FURIN: variants seen among roughly 807,000 people sequenced by gnomAD.
FURIN encodes the protein furin, paired basic amino acid cleaving enzyme.
In FURIN, 18 loss-of-function variants were observed where a neutral mutation model predicts 89.2. The observed-to-expected ratio is 0.20, with a 90% CI of 0.14 to 0.30. The LOEUF (loss-of-function observed/expected upper bound fraction) is 0.30, where lower values mean the gene tolerates loss of function less well. Ranked by LOEUF, FURIN falls within the 10% of genes least tolerant of loss-of-function variation. The pLI is 1.00. For synonymous variants in FURIN, 508 were observed against 466.4 expected (o/e 1.09, Z -1.15); for missense variants, 879 against 1,100.5 (o/e 0.80, Z 2.85).
In FURIN at chr15:90,883,058, T is replaced by TCCA. The variant is rs2032101826; in HGVS notation, c.*1181_*1183dup. ...CCGGGGGTTCATAGGTCACTGGCTC[T>TCCA]CCAAGTGCCAGAGGTGGGCAGGTGG... is the stretch of plus-strand genomic sequence containing the variant. On this transcript the variant is annotated 3_prime_UTR_variant, in exon 16 of 16. Coordinates refer to ENST00000268171, the MANE Select transcript of FURIN (RefSeq NM_002569.4). 6.6e-6 allele frequency: 1 copy of TCCA among 152,636 alleles called. No individual in the cohort carries two copies. Among genetic ancestry groups the TCCA allele is most frequent in the Non-Finnish European group, 1.5e-5 (1 of 68,098 alleles). 9.5% of individuals were successfully genotyped at this position (152,636 alleles called of 1,614,324 possible). A position where few individuals can be genotyped will look rare whatever the true frequency, so the allele number is the denominator to read the frequency against.
chr15:90,878,034 A>G (rs746026683), intron 7 of FURIN, 98 bp from the exon 8 acceptor site: 35 of 1,165,554 alleles, frequency 3.0e-5, no homozygotes, highest in Non-Finnish European at 4.3e-5. Flanking sequence ...TCCCTTACTC[A>G]TCCCCTGGGG....
chr15:90,881,638 G>A lies in FURIN; in HGVS notation c.2145G>A (p.Glu715=), dbSNP rs1254802405. The A allele has an allele frequency of 6.3e-7, 1 of 1,589,250 alleles. No homozygotes were observed. Among genetic ancestry groups the A allele is most frequent in the East Asian group, 2.2e-5 (1 of 44,474 alleles). Residue 715 remains glutamate, a synonymous_variant, in exon 16 of 16, where the codon GAG becomes GAA. Transcript: ENST00000268171. The surrounding 1 kb of genome is among the most constrained non-coding windows in gnomAD (Gnocchi z 4.3). ...RAGLLPSHLP[E]VVAGLSCAFI... The stretch of plus-strand genomic sequence containing the variant: ...GGCTGCTGCCCTCACACCTGCCTGA[G>A]GTGGTGGCCGGCCTCAGCTGCGCCT...
rs1225866641 is a variant in FURIN, at chr15:90,876,870, A to G, written c.373-26A>G. 2.5e-6 allele frequency: 4 copies of G among 1,612,716 alleles called. No homozygotes were observed. The South Asian group carries it at 4.4e-5, about 18-fold the overall frequency. ...CCTCACAAAACCAATCATGTCTCAT[A>G]AGTGATGGGGTGGGTGTCTCCACAG... On this transcript the variant is annotated intron_variant, in intron 4 of 15. Transcript: ENST00000268171. This position sits in a 1 kb window ranked among gnomAD's most constrained non-coding sequence, Gnocchi z 5.0.
chr15:90,869,705 G>C (rs368893589), intron 1 of FURIN, among the ~76,000 whole-genome samples: 1 of 152,226 alleles, frequency 6.6e-6, no homozygotes, highest in East Asian at 1.9e-4. Flanking sequence ...CTGAGCCTAG[G>C]CTAGCCCCTC....
rs776938351 is a variant in FURIN, at chr15:90,878,937, C to T, written c.1014C>T (p.Ala338=). 3.1e-6 allele frequency: 5 copies of T among 1,611,006 alleles called. No individual in the cohort carries two copies. Among genetic ancestry groups the T allele is most frequent in the South Asian group, 1.1e-5 (1 of 90,842 alleles). ...GCGAGGCCTGCTCGTCCACACTGGC[C>T]ACGACCTACAGCAGTGGCAACCAGA... ...WYSEACSSTL[A]TTYSSGNQNE... The change falls in exon 9 of 16, where the codon GCC becomes GCT. Residue 338 remains alanine (A), a synonymous_variant. Coordinates refer to ENST00000268171, the MANE Select transcript of FURIN (RefSeq NM_002569.4).
In FURIN at chr15:90,875,646, C is replaced by T. The variant is rs991124685; in HGVS notation, c.-95C>T. ...GCCCCATGCCCCCACCAGTCAGCCC[C>T]GGGCCACAGGCAGTGAGCAGGCACC... On this transcript the variant is annotated 5_prime_UTR_variant, in exon 2 of 16. Coordinates refer to ENST00000268171, the MANE Select transcript of FURIN (RefSeq NM_002569.4). 79 of 1,174,944 alleles carry T rather than the reference C, an allele frequency of 6.7e-5. No homozygotes were observed. In the Admixed American group the frequency reaches 1.0e-3, roughly 15 times the overall value. 72.8% of individuals were successfully genotyped at this position (1,174,944 alleles called of 1,614,324 possible). A position where few individuals can be genotyped will look rare whatever the true frequency, so the allele number is the denominator to read the frequency against.
At chr15:90,870,652 C>T (rs550870364) in intron 1 of FURIN, among the ~76,000 whole-genome samples, 3 of 152,184 alleles carry the variant, frequency 2.0e-5, no homozygotes, top group African/African-American at 7.2e-5. Context: ...GCTCAAGCAG[C>T]GTCGGCCTCA....
In FURIN at chr15:90,880,064, G is replaced by C. The variant is rs1050791187; in HGVS notation, c.1377-30G>C. 3 of 1,604,628 alleles carry C rather than the reference G, an allele frequency of 1.9e-6. No homozygotes were observed. In the African/African-American group the frequency reaches 4.0e-5, roughly 21 times the overall value. On this transcript the variant is annotated intron_variant, in intron 12 of 15. Transcript: ENST00000268171. ...GGTGCCCGCTGGTCCCTCTGGGCCA[G>C]GCTGACCATCATGGTGCTCTCCTGC... is the stretch of plus-strand genomic sequence containing the variant.
intron 1 of FURIN, among the ~76,000 whole-genome samples, chr15:90,870,864 G>C (rs1424644842): frequency 6.6e-6 from 1 of 152,178 alleles, no homozygotes; most frequent in East Asian, 1.9e-4. Context: ...AATAATCTCA[G>C]CCTGAAAGGA....
chr15:90,881,075 G>C lies in FURIN; in HGVS notation c.1792+35G>C. On this transcript the variant is annotated intron_variant, in intron 15 of 15. Transcript: ENST00000268171. The surrounding 1 kb of genome is among the most constrained non-coding windows in gnomAD (Gnocchi z 4.3). ...GGGTGCTGTTGGGCTTTGGGGGCCT[G>C]AGTCTGGGGGTAAGGCGGGTGCCTG... 1 of 1,473,764 alleles carries C rather than the reference G, an allele frequency of 6.8e-7. No individual in the cohort carries two copies. The highest frequency in any genetic ancestry group is 9.5e-7 in the Non-Finnish European group (1 of 1,052,018). The allele number at this position is 1,473,764 out of a possible 1,614,324, so 91.3% of individuals were successfully genotyped here. A position where few individuals can be genotyped will look rare whatever the true frequency, so the allele number is the denominator to read the frequency against.
At position 90,881,959 on chromosome 15, in the gene FURIN, C is replaced by T. The variant is rs2032007565; in HGVS notation, c.*81C>T. The T allele has an allele frequency of 2.8e-6, 3 of 1,061,480 alleles. No individual in the cohort carries two copies. The highest frequency in any genetic ancestry group is 4.1e-6 in the Non-Finnish European group (3 of 722,932). 65.8% of individuals were successfully genotyped at this position (1,061,480 alleles called of 1,614,324 possible). A position where few individuals can be genotyped will look rare whatever the true frequency, so the allele number is the denominator to read the frequency against. ...ACCAAAGTATTTTTTTATCTTGGGA[C>T]TGGGTTTGGACCCCAGCTGGGAGGC... On this transcript the variant is annotated 3_prime_UTR_variant, in exon 16 of 16. Coordinates refer to ENST00000268171, the MANE Select transcript of FURIN (RefSeq NM_002569.4). This position sits in a 1 kb window ranked among gnomAD's most constrained non-coding sequence, Gnocchi z 4.3.
intron 1 of FURIN, among the ~76,000 whole-genome samples, chr15:90,870,774 T>C (rs2031247531): frequency 6.6e-6 from 1 of 152,212 alleles, no homozygotes; most frequent in East Asian, 1.9e-4. Flanking sequence ...TTGCAGGATC[T>C]GAGGTCTGCT....
chr15:90,873,365 T>A (rs993217103), intron 1 of FURIN, among the ~76,000 whole-genome samples: 6 of 152,140 alleles, frequency 3.9e-5, no homozygotes, highest in African/African-American at 1.4e-4. Context: ...AATAGTTGGT[T>A]AATCACTTTT....
rs1250345500 is a variant in FURIN at position 90,878,291 on chromosome 15, G to A, written c.827G>A (p.Arg276His). ...PARLAEEAFF[R>H]GVSQGRGGLG... ...CGCCTCGCCGAGGAGGCCTTCTTCC[G>A]TGGGGTTAGCCAGGTGAGGTGGGGA... Residue 276 changes from arginine to histidine, a missense_variant, in exon 8 of 16, where the codon CGT (arginine) becomes CAT (histidine). This residue lies in a region of FURIN where 156 missense variants were observed against 243.7 expected (regional missense o/e 0.64). Transcript: ENST00000268171. 15 of 1,598,142 alleles carry A rather than the reference G, an allele frequency of 9.4e-6. No homozygotes were observed. Among genetic ancestry groups the A allele is most frequent in the African/African-American group, 2.7e-5 (2 of 74,816 alleles).
At position 90,871,163 on chromosome 15, in the gene FURIN, T is replaced by C. The variant is rs557199556; in HGVS notation, c.-160+2452T>C. On this transcript the variant is annotated intron_variant, in intron 1 of 15. Coordinates refer to ENST00000268171, the MANE Select transcript of FURIN (RefSeq NM_002569.4). ...GGCACTTAACCCGGTCAGGCTCAAA[T>C]TCGTCGCCCAGGAGTGGGGAAGCGG... 4.6e-5 allele frequency among the ~76,000 whole-genome samples: 7 copies of C among 152,224 alleles called. No homozygotes were observed. In the South Asian group the frequency reaches 1.5e-3, roughly 32 times the overall value.
chr15:90,880,824 G>T lies in FURIN; in HGVS notation c.1681+9G>T, dbSNP rs1025528293. The T allele has an allele frequency of 5.0e-6, 8 of 1,612,556 alleles. No individual in the cohort carries two copies. Among genetic ancestry groups the T allele is most frequent in the Admixed American group, 3.3e-5 (2 of 59,922 alleles). On this transcript the variant is annotated intron_variant, in intron 14 of 15. Transcript: ENST00000268171. ...CGAAGCCAACAACTATGGTACTGGG[G>T]GCACTTGAGGGGTAGGGGTACGAGG... is the stretch of plus-strand genomic sequence containing the variant.
rs374944389 is a variant in FURIN, at chr15:90,878,119, C to G, written c.668-13C>G. On this transcript the variant is annotated splice_polypyrimidine_tract_variant and intron_variant, in intron 7 of 15. Coordinates refer to ENST00000268171, the MANE Select transcript of FURIN (RefSeq NM_002569.4). The stretch of plus-strand genomic sequence containing the variant: ...ATGCAGCATCCCTCTTCGTGCCCCC[C>G]CTTCACGGCCAGGGGTGCGCATGCT... 3.7e-5 allele frequency: 60 copies of G among 1,613,502 alleles called. No individual in the cohort carries two copies. In the South Asian group the frequency reaches 4.6e-4, roughly 12 times the overall value.
intron 1 of FURIN, among the ~76,000 whole-genome samples, chr15:90,874,443 TG>T (rs1428652677): frequency 2.0e-5 from 3 of 152,296 alleles, no homozygotes; most frequent in Non-Finnish European, 4.4e-5. Flanking sequence ...CCCAGGAAAC[TG>T]TAAAAACGAG....
At chr15:90,880,494 G>A (rs902761059) in intron 13 of FURIN, among the ~76,000 whole-genome samples, 197 bp from the exon 14 acceptor site, 1 of 152,184 alleles carries the variant, frequency 6.6e-6, no homozygotes, top group Non-Finnish European at 1.5e-5. Context: ...CACCTTGTGC[G>A]GTGCCTGTGT....
Sources: allele counts gnomAD v4.1 joint callset (sites outside exome capture counted in the v4.1 genomes callset), GRCh38; gene constraint gnomAD v4.1.1; regional missense constraint gnomAD v4.1.1; non-coding constraint Gnocchi (gnomAD v3.1); transcripts MANE v1.5; gene names NCBI Gene and HGNC (gene_info 2026-07-23, HGNC 2026-07-21).